RELN: variants seen among roughly 807,000 people sequenced by gnomAD.
The protein encoded by RELN is reelin.
In RELN, 108 loss-of-function variants were observed where a neutral mutation model predicts 427.6. The observed-to-expected ratio is 0.25, with a 90% confidence interval of 0.22 to 0.30. The LOEUF (loss-of-function observed/expected upper bound fraction) is 0.30. Ranked by LOEUF, RELN falls within the 10% of genes least tolerant of loss-of-function variation. RELN has a pLI of 1.00. For missense variants in RELN, 3,715 were observed against 4,302.8 expected, an observed-to-expected ratio of 0.86 and a Z score of 3.82; for synonymous variants, 1,524 against 1,513.4, an observed-to-expected ratio of 1.01 and a Z score of -0.16.
chr7:103,835,108 A>G (rs1000420621), intron 2 of RELN, among the ~76,000 whole-genome samples: 4 of 152,246 alleles, frequency 2.6e-5, no homozygotes, highest in Non-Finnish European at 2.9e-5. Flanking sequence ...AATGTTATTC[A>G]GCACTAAAAA....
intron 8 of RELN, among the ~76,000 whole-genome samples, chr7:103,721,050 C>T (rs1790063830): frequency 6.6e-6 from 1 of 152,116 alleles, no homozygotes; most frequent in African/African-American, 2.4e-5. Flanking sequence ...AGTTTATAAA[C>T]AATAAATTAC....
chr7:103,565,657 A>C, intron 33 of RELN, 106 bp from the exon 34 acceptor site: 1 of 1,025,408 alleles, frequency 9.8e-7, no homozygotes, highest in Non-Finnish European at 1.5e-6. Context: ...ATCATGGCCT[A>C]TCTTTAGTGC....
intron 1 of RELN, among the ~76,000 whole-genome samples, chr7:103,986,779 A>C (rs2116854584): frequency 6.6e-6 from 1 of 152,320 alleles, no homozygotes; most frequent in African/African-American, 2.4e-5. Flanking sequence ...GTTAGAAATA[A>C]AGTCTCAAGC....
chr7:103,527,730 C>T (rs934219474), intron 46 of RELN, among the ~76,000 whole-genome samples: 1 of 152,198 alleles, frequency 6.6e-6, no homozygotes, highest in Admixed American at 6.5e-5. Context: ...AAATTTCCTC[C>T]ACTAGCCTAT....
intron 6 of RELN, among the ~76,000 whole-genome samples, chr7:103,736,766 G>A (rs1297371257): frequency 6.6e-6 from 1 of 152,100 alleles, no homozygotes; most frequent in Non-Finnish European, 1.5e-5. Context: ...GTGAGCTCTT[G>A]TTTTTGCCAC....
Position 103,630,148 on chromosome 7 carries a change from C to T in RELN, c.2494G>A (p.Ala832Thr). Reference protein sequence around the residue: ...RIISVELPGDAKQFGIQFRWW... With the variant: ...RIISVELPGDTKQFGIQFRWW... ...CTGAACTGAATTCCAAACTGCTTTG[C>T]ATCACCTGGTAGTTCTACGGAGATT... Residue 832 changes from alanine to threonine, a missense_variant, in exon 20 of 65, where the codon GCA becomes ACA. This residue lies in a region of RELN where 2,208 missense variants were observed against 2,361.7 expected (regional missense o/e 0.93). Transcript: ENST00000428762. The T allele has an allele frequency of 6.2e-7, 1 of 1,612,016 alleles. No individual in the cohort carries two copies. Among genetic ancestry groups the T allele is most frequent in the Non-Finnish European group, 8.5e-7 (1 of 1,178,544 alleles).
chr7:103,909,133 C>T (rs918150754), intron 2 of RELN, among the ~76,000 whole-genome samples: 1 of 152,114 alleles, frequency 6.6e-6, no homozygotes, highest in African/African-American at 2.4e-5. Flanking sequence ...ATGGCTGTCC[C>T]TCTTCATGAA....
At chr7:103,830,539 A>C (rs1015154548) in intron 3 of RELN, among the ~76,000 whole-genome samples, 23 of 151,968 alleles carry the variant, frequency 1.5e-4, no homozygotes, top group Admixed American at 5.9e-4. Context: ...TTTTAGTTTA[A>C]TATTTAAAAT....
intron 6 of RELN, among the ~76,000 whole-genome samples, chr7:103,737,897 C>G (rs1347239661): frequency 1.3e-5 from 2 of 152,010 alleles, no homozygotes; most frequent in African/African-American, 2.4e-5. Flanking sequence ...GTATCATTAT[C>G]CAACTGATGG....
chr7:103,979,295 G>T (rs532343691), intron 1 of RELN, among the ~76,000 whole-genome samples: 2 of 152,120 alleles, frequency 1.3e-5, no homozygotes, highest in Non-Finnish European at 1.5e-5. Flanking sequence ...CTATACTACC[G>T]GAGAATGAGA....
rs533363209 is a variant in RELN, at chr7:103,640,894, C to T, written c.2003-285G>A. ...TAGAGTCTATTAGACAATATTAGCG[C>T]TTCTGCCTTGAACATTCTACAAAGT... On this transcript the variant is annotated intron_variant, in intron 16 of 64. Coordinates refer to ENST00000428762, the MANE Select transcript of RELN (RefSeq NM_005045.4). This position sits in a 1 kb window ranked among gnomAD's most constrained non-coding sequence, Gnocchi z 4.1. Among the ~76,000 whole-genome samples, 5 of 152,196 alleles carry T rather than the reference C, an allele frequency of 3.3e-5. No homozygotes were observed. The highest frequency in any genetic ancestry group is 3.9e-4 in the East Asian group (2 of 5,180).
At chr7:103,822,229 A>ATTTTT (rs1441825822) in intron 3 of RELN, among the ~76,000 whole-genome samples, 8 of 152,036 alleles carry the variant, frequency 5.3e-5, no homozygotes, top group African/African-American at 1.9e-4. Context: ...AATATTGTTA[A>ATTTTT]TATTAACCTT....
chr7:103,576,626 G>C (rs1831008693), intron 28 of RELN, among the ~76,000 whole-genome samples: 1 of 152,220 alleles, frequency 6.6e-6, no homozygotes, highest in South Asian at 2.1e-4. Flanking sequence ...TCTTAGGACA[G>C]ATAAGGGAAC....
intron 57 of RELN, among the ~76,000 whole-genome samples, chr7:103,494,660 A>C (rs11979752): frequency 0.14 from 20,762 of 151,124 alleles, 1,727 homozygotes; most frequent in East Asian, 0.29. Context: ...CTGGGATTAC[A>C]GGTGTTTGCA....
Position 103,881,559 on chromosome 7 carries a change from CT to C in RELN, c.337+35515del, listed in dbSNP as rs1285195143. ...TTCCCTGAATGCATCATGTTGTATC[CT>C]GTTTGTCAGCCTTCCAAATGACACT... On this transcript the variant is annotated intron_variant, in intron 2 of 64. Transcript: ENST00000428762. Among the ~76,000 whole-genome samples, 4 of 152,156 alleles carry C rather than the reference CT, an allele frequency of 2.6e-5. No individual in the cohort carries two copies. The East Asian group carries it at 7.7e-4, about 29-fold the overall frequency.
At chr7:103,734,165 A>G (rs533489862) in intron 6 of RELN, among the ~76,000 whole-genome samples, 13 of 152,296 alleles carry the variant, frequency 8.5e-5, no homozygotes, top group African/African-American at 2.9e-4. Context: ...CCACTTTCTC[A>G]TGTTCTCAGG....
At chr7:103,896,956 G>T (rs1197006063) in intron 2 of RELN, among the ~76,000 whole-genome samples, 1 of 152,020 alleles carries the variant, frequency 6.6e-6, no homozygotes, top group Non-Finnish European at 1.5e-5. Flanking sequence ...CCACGTGGCT[G>T]GGGAGGCCTC....
At chr7:103,588,207 T>C (rs971194029) in intron 28 of RELN, among the ~76,000 whole-genome samples, 1 of 152,172 alleles carries the variant, frequency 6.6e-6, no homozygotes, top group Non-Finnish European at 1.5e-5. Context: ...AATGAAATCA[T>C]GTCATTTGCA....
At chr7:103,693,719 T>G (rs997280319) in intron 10 of RELN, among the ~76,000 whole-genome samples, 2 of 152,106 alleles carry the variant, frequency 1.3e-5, no homozygotes. Flanking sequence ...GGCAGCATAA[T>G]GTAATTTGTG....
Sources: gnomAD v4.1 joint callset for allele counts (sites outside exome capture counted in the v4.1 genomes callset) on GRCh38, gnomAD v4.1.1 for gene constraint, gnomAD v4.1.1 regional missense constraint, Gnocchi (gnomAD v3.1) non-coding constraint, MANE v1.5 for transcripts, NCBI Gene and HGNC (gene_info 2026-07-23, HGNC 2026-07-21) for gene names.